Variants in ANKRD45 observed in about 807,000 individuals in gnomAD.
The protein encoded by ANKRD45 is ankyrin repeat domain-containing protein 45.
In ANKRD45, 21 loss-of-function variants were observed where a neutral mutation model predicts 28.1. The ratio of observed to expected loss-of-function variants is 0.75; its 90% CI spans 0.53 to 1.08. The LOEUF is 1.08. Ranked by LOEUF, ANKRD45 falls within the 50% of genes least tolerant of loss-of-function variation. ANKRD45 has a pLI of 0.00. For synonymous variants in ANKRD45, 86 were observed against 103.9 expected, an observed-to-expected ratio of 0.83 and a Z score of 1.05; for missense variants, 261 against 308.7, an observed-to-expected ratio of 0.85 and a Z score of 1.16.
intron 3 of ANKRD45, chr1:173,635,920 A>T (rs1052199656): frequency 1.5e-5 from 17 of 1,125,100 alleles, no homozygotes; most frequent in Admixed American, 2.7e-5. Flanking sequence ...AGTTTCTTTG[A>T]GAGAGGGTAC....
the ANKRD45 span, among the ~76,000 whole-genome samples, chr1:173,679,031 G>T: frequency 6.6e-6 from 1 of 152,120 alleles, no homozygotes; most frequent in Non-Finnish European, 1.5e-5. Context: ...ACAAACCACT[G>T]CTCAACAAAA....
chr1:173,674,295 C>G (rs376934105), upstream of ANKRD45, among the ~76,000 whole-genome samples: 1 of 151,928 alleles, frequency 6.6e-6, no homozygotes, highest in Admixed American at 6.6e-5. Context: ...ATTACAGGCA[C>G]GAGCCACTGC....
At chr1:173,710,081 T>C in the ANKRD45 span, among the ~76,000 whole-genome samples, 11 of 152,184 alleles carry the variant, frequency 7.2e-5, no homozygotes, top group Admixed American at 5.9e-4. Flanking sequence ...TCCCAGCACT[T>C]TGGGAGGCCA....
chr1:173,660,647 C>A (rs1240074952), intron 1 of ANKRD45, among the ~76,000 whole-genome samples: 8 of 152,206 alleles, frequency 5.3e-5, no homozygotes, highest in Non-Finnish European at 1.2e-4. Context: ...CTCTCCCTGG[C>A]TCTTCTCATG....
chr1:173,626,178 A>G (rs1454732423), intron 4 of ANKRD45, among the ~76,000 whole-genome samples: 2 of 152,198 alleles, frequency 1.3e-5, no homozygotes, highest in Non-Finnish European at 2.9e-5. Context: ...GATATCTTAT[A>G]CTTTTAGCAA....
rs1411586693 is a variant in ANKRD45 at position 173,609,012 on chromosome 1, A to G, written c.*1133T>C. On this transcript the variant is annotated 3_prime_UTR_variant, in exon 6 of 6. Coordinates refer to ENST00000333279, the MANE Select transcript of ANKRD45 (RefSeq NM_198493.3). ...GGGAGAAGGGAGAAGGAGGGTAAAA[A>G]AAAAAAAGGAGCAAACACAGGTCTT... Among the ~76,000 whole-genome samples the G allele has an allele frequency of 1.3e-4, 19 of 151,778 alleles. 1 individual carries two copies. The highest frequency in any genetic ancestry group is 1.2e-3 in the Admixed American group (19 of 15,246).
chr1:173,665,302 A>G (rs1334413334), intron 1 of ANKRD45, among the ~76,000 whole-genome samples: 2 of 152,150 alleles, frequency 1.3e-5, no homozygotes, highest in African/African-American at 2.4e-5. Flanking sequence ...CCACCTCCCA[A>G]GTAGCTAGGA....
At chr1:173,675,718 A>G in the ANKRD45 span, among the ~76,000 whole-genome samples, 1 of 152,250 alleles carries the variant, frequency 6.6e-6, no homozygotes, top group Non-Finnish European at 1.5e-5. Context: ...CGGGTGTACT[A>G]TAGTTTTTTA....
the ANKRD45 span, among the ~76,000 whole-genome samples, chr1:173,685,569 C>T: frequency 6.6e-6 from 1 of 152,150 alleles, no homozygotes; most frequent in Non-Finnish European, 1.5e-5. Flanking sequence ...TGATCCATTC[C>T]AACCAGGCAT....
intron 3 of ANKRD45, among the ~76,000 whole-genome samples, chr1:173,633,972 G>GA (rs1368016144): frequency 1.3e-5 from 2 of 151,772 alleles, no homozygotes; most frequent in Non-Finnish European, 1.5e-5. Context: ...GGCAACCAAA[G>GA]AAAAAATCGA....
chr1:173,650,655 T>C (rs1669165099), intron 2 of ANKRD45, among the ~76,000 whole-genome samples: 2 of 152,224 alleles, frequency 1.3e-5, no homozygotes, highest in South Asian at 4.1e-4. Context: ...TTTCTAGTTC[T>C]AGATCCTTGA....
Position 173,646,998 on chromosome 1 carries a change from T to G in ANKRD45, c.344A>C (p.His115Pro). 6.2e-7 allele frequency: 1 copy of G among 1,614,044 alleles called. No individual in the cohort carries two copies. Among genetic ancestry groups the G allele is most frequent in the South Asian group, 1.1e-5 (1 of 91,074 alleles). The change falls in exon 3 of 6, where the codon CAT (histidine) becomes CCT (proline). Residue 115 changes from histidine to proline, a missense_variant. Coordinates refer to ENST00000333279, the MANE Select transcript of ANKRD45 (RefSeq NM_198493.3). Reference sequence around the variant, plus strand: ...CAAACGACCCCAGGCTGCAGCACAATGTAAGAGTGTGTACCCTAACAAATG... The same window carrying G: ...CAAACGACCCCAGGCTGCAGCACAAGGTAAGAGTGTGTACCCTAACAAATG... ...EKTTRGYTLL[H>P]CAAAWGRLET... is the part of the protein sequence containing the mutation.
At chr1:173,616,284 C>T (rs1251762626) in intron 5 of ANKRD45, among the ~76,000 whole-genome samples, 1 of 151,848 alleles carries the variant, frequency 6.6e-6, no homozygotes, top group Non-Finnish European at 1.5e-5. Context: ...TGTTCAGGGG[C>T]AGGTCCAGAG....
the ANKRD45 span, among the ~76,000 whole-genome samples, chr1:173,701,164 A>G: frequency 2.0e-5 from 3 of 152,226 alleles, no homozygotes; most frequent in Non-Finnish European, 4.4e-5. Context: ...AAAAGTCAGG[A>G]AACAACAGAT....
intron 3 of ANKRD45, among the ~76,000 whole-genome samples, chr1:173,644,582 G>A (rs1668842195): frequency 6.6e-6 from 1 of 152,194 alleles, no homozygotes; most frequent in African/African-American, 2.4e-5. Context: ...GAAGAAGGAA[G>A]CCAATAATAC....
chr1:173,664,028 G>T lies in ANKRD45; in HGVS notation c.-15-4595C>A, dbSNP rs79630686. 8.5e-3 allele frequency among the ~76,000 whole-genome samples: 1,289 copies of T among 151,858 alleles called. 18 individuals are homozygous for T. Among genetic ancestry groups the T allele is most frequent in the African/African-American group, 0.029 (1,207 of 41,394 alleles). ...GTCGCATTCTATTTTTTTAAAGCTG[G>T]GTGCCACCTACTAAACTGACTGTAT... On this transcript the variant is annotated intron_variant, in intron 1 of 5. Coordinates refer to ENST00000333279, the MANE Select transcript of ANKRD45 (RefSeq NM_198493.3).
chr1:173,697,942 A>G, the ANKRD45 span, among the ~76,000 whole-genome samples: 1 of 152,120 alleles, frequency 6.6e-6, no homozygotes, highest in Non-Finnish European at 1.5e-5. Context: ...AGACACACAT[A>G]TAGGCTCAAA....
the ANKRD45 span, among the ~76,000 whole-genome samples, chr1:173,694,282 G>A: frequency 6.6e-6 from 1 of 152,008 alleles, no homozygotes; most frequent in Non-Finnish European, 1.5e-5. Context: ...TCCTGCCTCA[G>A]CCTCCCAAGT....
chr1:173,652,536 G>A (rs1206128668), intron 2 of ANKRD45, among the ~76,000 whole-genome samples: 2 of 152,134 alleles, frequency 1.3e-5, no homozygotes, highest in African/African-American at 4.8e-5. Context: ...ATGTTCATCA[G>A]GGATATTGGT....
Sources: gnomAD v4.1 joint callset for allele counts (sites outside exome capture counted in the v4.1 genomes callset) on GRCh38, gnomAD v4.1.1 for gene constraint, MANE v1.5 for transcripts, NCBI Gene and HGNC (gene_info 2026-07-23, HGNC 2026-07-21) for gene names.